The following FCHSD2 variants were observed in gnomAD, a reference collection of about 807,000 sequenced individuals.
FCHSD2 encodes the protein FCH and double SH3 domains 2.
A neutral mutation model predicts 108.1 loss-of-function variants in FCHSD2; 38 were observed. The ratio of observed to expected loss-of-function variants is 0.35; its 90% CI spans 0.27 to 0.46. The LOEUF is 0.46. FCHSD2 is among the 20% of genes least tolerant of loss of function. The pLI, the probability that FCHSD2 is intolerant of heterozygous loss-of-function variation, is 1.00. For synonymous variants in FCHSD2, 279 were observed against 314.7 expected (o/e 0.89, Z 1.20); for missense variants, 751 against 897.8 (o/e 0.84, Z 2.09).
chr11:72,843,164 G>A lies in FCHSD2; in HGVS notation c.1692C>T (p.Asn564=), dbSNP rs776499710. Residue 564 remains asparagine, a synonymous_variant, in exon 16 of 20, where the codon AAC becomes AAT. Coordinates refer to ENST00000409418, the MANE Select transcript of FCHSD2 (RefSeq NM_014824.3). The part of the protein sequence containing the change: ...TEAELVSGSL[N]GDASVCFVKA... ...TTCAGTCTTTACCACTGGCATCTCC[G>A]TTGAGGCTGCCTGAAACGAGTTCTG... 2.5e-5 allele frequency: 41 copies of A among 1,613,832 alleles called. No homozygotes were observed. The South Asian group carries it at 3.1e-4, about 12-fold the overall frequency.
intron 13 of FCHSD2, among the ~76,000 whole-genome samples, chr11:72,866,752 T>G (rs1009463236): frequency 2.6e-5 from 4 of 152,242 alleles, no homozygotes; most frequent in African/African-American, 9.6e-5. Context: ...GCAAGTGTAT[T>G]CTCATTAGAA....
At chr11:72,873,541 T>C (rs1854907469) in intron 12 of FCHSD2, among the ~76,000 whole-genome samples, 1 of 152,180 alleles carries the variant, frequency 6.6e-6, no homozygotes, top group Admixed American at 6.6e-5. Flanking sequence ...TGTCTTTCAT[T>C]TTCTTGATAG....
At chr11:72,979,274 A>G (rs1272810084) in intron 8 of FCHSD2, among the ~76,000 whole-genome samples, 1 of 152,220 alleles carries the variant, frequency 6.6e-6, no homozygotes, top group Non-Finnish European at 1.5e-5. Context: ...TGAAAAAATT[A>G]AAAGTCCAAT....
At chr11:73,129,005 G>A (rs957399336) in intron 2 of FCHSD2, among the ~76,000 whole-genome samples, 1 of 152,108 alleles carries the variant, frequency 6.6e-6, no homozygotes, top group African/African-American at 2.4e-5. Flanking sequence ...CCCAGTAGCT[G>A]GGACTACAGG....
At chr11:73,106,501 G>A (rs571222857) in intron 2 of FCHSD2, among the ~76,000 whole-genome samples, 1 of 151,996 alleles carries the variant, frequency 6.6e-6, no homozygotes, top group South Asian at 2.1e-4. Flanking sequence ...ACCCTGAAGT[G>A]CAAACTGTTA....
chr11:73,035,565 A>G (rs1312583712), intron 3 of FCHSD2, among the ~76,000 whole-genome samples: 2 of 152,042 alleles, frequency 1.3e-5, no homozygotes, highest in African/African-American at 4.8e-5. Flanking sequence ...AGTGTTTATA[A>G]AGCACTTGGC....
At chr11:73,045,782 C>T (rs1270885676) in intron 3 of FCHSD2, among the ~76,000 whole-genome samples, 8 of 147,834 alleles carry the variant, frequency 5.4e-5, no homozygotes, top group South Asian at 2.2e-4. Context: ...GTGGGGGGAG[C>T]GGGGAGGGAT....
At chr11:72,903,150 T>C (rs1454569193) in intron 9 of FCHSD2, among the ~76,000 whole-genome samples, 1 of 152,168 alleles carries the variant, frequency 6.6e-6, no homozygotes, top group Admixed American at 6.5e-5. Flanking sequence ...CTAATTACCA[T>C]CTTACAGCAT....
At chr11:73,046,600 A>T (rs1230444096) in intron 3 of FCHSD2, among the ~76,000 whole-genome samples, 1 of 152,224 alleles carries the variant, frequency 6.6e-6, no homozygotes, top group Non-Finnish European at 1.5e-5. Context: ...TCAAGTTTTT[A>T]AAAATGTTTT....
intron 9 of FCHSD2, among the ~76,000 whole-genome samples, chr11:72,915,549 G>A (rs1253065560): frequency 2.6e-5 from 4 of 152,146 alleles, no homozygotes; most frequent in African/African-American, 4.8e-5. Flanking sequence ...ATGGTCGGGC[G>A]TGGTGGCTCA....
At chr11:72,869,298 A>C (rs1389151412) in intron 12 of FCHSD2, among the ~76,000 whole-genome samples, 1 of 152,156 alleles carries the variant, frequency 6.6e-6, no homozygotes, top group Admixed American at 6.6e-5. Flanking sequence ...AGTTCTTCCT[A>C]ATCGATTAAT....
chr11:72,973,762 A>G (rs1190006801), intron 8 of FCHSD2, among the ~76,000 whole-genome samples: 3 of 152,248 alleles, frequency 2.0e-5, no homozygotes, highest in African/African-American at 7.2e-5. Context: ...AAAGTTCTAT[A>G]CCAAGGGTGG....
intron 2 of FCHSD2, among the ~76,000 whole-genome samples, chr11:73,094,515 T>A (rs1040213106): frequency 6.6e-6 from 1 of 152,156 alleles, no homozygotes; most frequent in Admixed American, 6.5e-5. Context: ...CAGTTGTCCA[T>A]CAATGGGATC....
chr11:73,113,886 C>A (rs1468417447), intron 2 of FCHSD2, among the ~76,000 whole-genome samples: 1 of 152,126 alleles, frequency 6.6e-6, no homozygotes, highest in Non-Finnish European at 1.5e-5. Context: ...CAGAAGAATT[C>A]TCTATATTAC....
chr11:72,959,477 CG>C (rs1269414557), intron 8 of FCHSD2, among the ~76,000 whole-genome samples: 1 of 13,140 alleles, frequency 7.6e-5, no homozygotes, highest in South Asian at 6.5e-3. Flanking sequence ...CCTCATGATC[CG>C]CCCGCCTCGG....
intron 2 of FCHSD2, among the ~76,000 whole-genome samples, chr11:73,104,932 C>T (rs908396987): frequency 6.6e-6 from 1 of 152,120 alleles, no homozygotes; most frequent in Non-Finnish European, 1.5e-5. Context: ...TAGTTTTACA[C>T]GTTTAAATGA....
intron 2 of FCHSD2, among the ~76,000 whole-genome samples, chr11:73,097,612 GTTCT>G (rs1177855224): frequency 5.2e-5 from 6 of 114,666 alleles, no homozygotes; most frequent in African/African-American, 1.3e-4. Flanking sequence ...CTTGTGAGGT[GTTCT>G]TTTTTTTTTT....
intron 2 of FCHSD2, among the ~76,000 whole-genome samples, chr11:73,124,086 A>T (rs918862989): frequency 2.6e-5 from 4 of 152,218 alleles, no homozygotes; most frequent in African/African-American, 9.6e-5. Flanking sequence ...AGCCATAAAA[A>T]AGGATGCGTT....
chr11:73,005,996 C>G (rs1164705345), intron 4 of FCHSD2, among the ~76,000 whole-genome samples: 1 of 151,418 alleles, frequency 6.6e-6, no homozygotes, highest in East Asian at 1.9e-4. Flanking sequence ...CAGCCTCGAA[C>G]CCCTGGACTC....
Sources: gnomAD v4.1 joint callset for allele counts (sites outside exome capture counted in the v4.1 genomes callset) on GRCh38, gnomAD v4.1.1 for gene constraint, MANE v1.5 for transcripts, NCBI Gene and HGNC (gene_info 2026-07-23, HGNC 2026-07-21) for gene names.